WDFY2: variants seen among roughly 807,000 people sequenced by gnomAD.
The protein encoded by WDFY2 is WD repeat and FYVE domain containing 2.
In WDFY2, 36 loss-of-function variants were observed where a neutral mutation model predicts 56.4. The observed-to-expected ratio is 0.64, with a 90% CI of 0.49 to 0.84. The LOEUF (loss-of-function observed/expected upper bound fraction) is 0.84. Ranked by LOEUF, WDFY2 falls within the 40% of genes least tolerant of loss-of-function variation. WDFY2 has a pLI of 0.00. For synonymous variants in WDFY2, 176 were observed against 183.7 expected, an observed-to-expected ratio of 0.96 and a Z score of 0.34; for missense variants, 444 against 512.2, an observed-to-expected ratio of 0.87 and a Z score of 1.29.
At chr13:51,716,789 A>C (rs1952363630) in intron 4 of WDFY2, among the ~76,000 whole-genome samples, 1 of 151,798 alleles carries the variant, frequency 6.6e-6, no homozygotes, top group East Asian at 1.9e-4. Flanking sequence ...AAAAAAAAAA[A>C]AAAACTAGCA....
Position 51,673,621 on chromosome 13 carries a change from A to G in WDFY2, c.206-1549A>G, listed in dbSNP as rs144686817. 3.1e-3 allele frequency among the ~76,000 whole-genome samples: 467 copies of G among 152,188 alleles called. 3 individuals carry two copies. The highest frequency in any genetic ancestry group is 0.011 in the African/African-American group (449 of 41,514). ...TCTTTAGATTTTTTTTCAGCTAACA[A>G]TTTTCCATGAGATTATTAGATTCTA... On this transcript the variant is annotated intron_variant, in intron 2 of 11. Coordinates refer to ENST00000298125, the MANE Select transcript of WDFY2 (RefSeq NM_052950.4).
intron 1 of WDFY2, among the ~76,000 whole-genome samples, chr13:51,632,255 C>A (rs941400609): frequency 6.6e-6 from 1 of 151,976 alleles, no homozygotes; most frequent in Admixed American, 6.5e-5. Context: ...TTCCAAAGCT[C>A]TCCTAGGATG....
At chr13:51,660,349 A>G (rs1000727818) in intron 1 of WDFY2, among the ~76,000 whole-genome samples, 2 of 148,404 alleles carry the variant, frequency 1.3e-5, no homozygotes, top group South Asian at 2.1e-4. Context: ...GGCGCACACC[A>G]CTACTCTCAG....
intron 6 of WDFY2, among the ~76,000 whole-genome samples, chr13:51,733,984 C>T (rs1952779976): frequency 6.6e-6 from 1 of 152,148 alleles, no homozygotes; most frequent in East Asian, 1.9e-4. Context: ...TTGACAAAAA[C>T]CCTTGTCACT....
At chr13:51,587,187 A>G (rs1344052062) in intron 1 of WDFY2, 3 of 152,156 alleles carry the variant, frequency 2.0e-5, no homozygotes, top group African/African-American at 4.8e-5. Flanking sequence ...TATCTTTTTG[A>G]CCTTTGACTT....
intron 1 of WDFY2, chr13:51,590,839 G>A (rs1352459501): frequency 2.0e-5 from 3 of 151,416 alleles, no homozygotes; most frequent in African/African-American, 4.9e-5. Context: ...TTTGTATTTC[G>A]GGGCAGGGAG....
intron 7 of WDFY2, among the ~76,000 whole-genome samples, chr13:51,743,405 C>T (rs2087545313): frequency 6.6e-6 from 1 of 151,796 alleles, no homozygotes; most frequent in East Asian, 1.9e-4. Context: ...AAAATAAGGA[C>T]AAAATTGGAA....
intron 2 of WDFY2, among the ~76,000 whole-genome samples, chr13:51,672,229 G>A (rs865779451): frequency 2.0e-5 from 3 of 152,160 alleles, no homozygotes; most frequent in Non-Finnish European, 2.9e-5. Context: ...TTTGTATAAG[G>A]TGAGAGATGG....
intron 3 of WDFY2, among the ~76,000 whole-genome samples, chr13:51,678,464 A>G (rs1178846999): frequency 2.0e-5 from 3 of 152,182 alleles, no homozygotes; most frequent in African/African-American, 7.2e-5. Flanking sequence ...TACCATTCAA[A>G]ATGTTTTTCA....
At position 51,760,859 on chromosome 13, in the gene WDFY2, G is replaced by C. The variant is rs1185200551; in HGVS notation, c.*1090G>C. 6.6e-6 allele frequency: 1 copy of C among 152,300 alleles called. No individual in the cohort carries two copies. Among genetic ancestry groups the C allele is most frequent in the Non-Finnish European group, 1.5e-5 (1 of 68,078 alleles). 9.4% of individuals were successfully genotyped at this position (152,300 alleles called of 1,614,324 possible). A position where few individuals can be genotyped will look rare whatever the true frequency, so the allele number is the denominator to read the frequency against. On this transcript the variant is annotated 3_prime_UTR_variant, in exon 12 of 12. Transcript: ENST00000298125. Reference sequence around the variant, plus strand: ...AGGCGGAGCCCAGGCAGTAACACTTGCTTGCCCACTGCTCACGTCTGATGG... The same window carrying C: ...AGGCGGAGCCCAGGCAGTAACACTTCCTTGCCCACTGCTCACGTCTGATGG...
intron 1 of WDFY2, among the ~76,000 whole-genome samples, chr13:51,656,074 G>A (rs565529747): frequency 5.1e-5 from 5 of 97,136 alleles, no homozygotes; most frequent in African/African-American, 1.6e-4. Context: ...TTTTTTTCCT[G>A]CTCTAATCTT....
At chr13:51,591,279 TAAAACG>T (rs1199486802) in intron 1 of WDFY2, 1 of 152,244 alleles carries the variant, frequency 6.6e-6, no homozygotes, top group Non-Finnish European at 1.5e-5. Context: ...GTTGCAACTG[TAAAACG>T]ATGCTTTCTA....
chr13:51,592,116 C>T (rs758965561), intron 1 of WDFY2: 7 of 148,780 alleles, frequency 4.7e-5, no homozygotes, highest in Non-Finnish European at 1.0e-4. Flanking sequence ...ATGTTGGGCA[C>T]ATGTACCCTA....
intron 3 of WDFY2, among the ~76,000 whole-genome samples, chr13:51,677,655 G>A (rs1319196509): frequency 6.6e-6 from 1 of 152,172 alleles, no homozygotes; most frequent in African/African-American, 2.4e-5. Context: ...CATTGTGTAA[G>A]ATAGACAGTT....
intron 2 of WDFY2, among the ~76,000 whole-genome samples, chr13:51,674,394 G>A (rs1955853141): frequency 6.6e-6 from 1 of 152,154 alleles, no homozygotes; most frequent in African/African-American, 2.4e-5. Flanking sequence ...GGACCTGGGA[G>A]CTGACTGTTT....
chr13:51,746,359 T>A (rs1233030040), intron 7 of WDFY2, among the ~76,000 whole-genome samples: 2 of 152,216 alleles, frequency 1.3e-5, no homozygotes, highest in East Asian at 3.9e-4. Context: ...TTCCTCAAAG[T>A]TTCCACCATT....
intron 9 of WDFY2, 96 bp from the exon 10 acceptor site, chr13:51,756,236 C>T (rs1301573420): frequency 4.5e-5 from 68 of 1,501,570 alleles, no homozygotes; most frequent in Non-Finnish European, 5.8e-5. Context: ...CACCTGGATG[C>T]AGTTGATTAC....
chr13:51,681,450 A>G (rs980511072), intron 3 of WDFY2, among the ~76,000 whole-genome samples: 1 of 152,118 alleles, frequency 6.6e-6, no homozygotes, highest in African/African-American at 2.4e-5. Flanking sequence ...CGTGGAATCT[A>G]TGGGGCCTCC....
At chr13:51,670,869 C>G (rs986044898) in intron 2 of WDFY2, among the ~76,000 whole-genome samples, 3 of 152,104 alleles carry the variant, frequency 2.0e-5, no homozygotes, top group African/African-American at 7.2e-5. Flanking sequence ...TCCCTCACCC[C>G]ACTTGCCCAC....
Sources: allele counts gnomAD v4.1 joint callset (sites outside exome capture counted in the v4.1 genomes callset), GRCh38; gene constraint gnomAD v4.1.1; transcripts MANE v1.5; gene names NCBI Gene and HGNC (gene_info 2026-07-23, HGNC 2026-07-21).